The following IMMP2L variants were observed in gnomAD, a reference collection of about 807,000 sequenced individuals.
IMMP2L encodes the protein mitochondrial inner membrane protease subunit 2.
Under a neutral mutation model 19.3 loss-of-function variants are expected in IMMP2L, and 18 were observed. That is an observed-to-expected ratio of 0.93 (90% CI 0.64 to 1.38). The LOEUF (loss-of-function observed/expected upper bound fraction) is 1.38. Ranked by LOEUF, IMMP2L falls within the 40% of genes most tolerant of loss-of-function variation. IMMP2L has a pLI of 0.00. For synonymous variants in IMMP2L, 76 were observed against 73.0 expected (o/e 1.04, Z -0.21); for missense variants, 233 against 218.2 (o/e 1.07, Z -0.43).
chr7:111,374,720 A>T (rs1830533443), intron 3 of IMMP2L, among the ~76,000 whole-genome samples: 1 of 152,114 alleles, frequency 6.6e-6, no homozygotes, highest in African/African-American at 2.4e-5. Context: ...CTGACCACAT[A>T]AGTCTGACCC....
intron 3 of IMMP2L, among the ~76,000 whole-genome samples, chr7:111,216,815 C>T (rs1811973965): frequency 1.3e-5 from 2 of 151,870 alleles, no homozygotes; most frequent in South Asian, 4.2e-4. Flanking sequence ...GGCAATAAGC[C>T]CTTCAACTTC....
intron 3 of IMMP2L, among the ~76,000 whole-genome samples, chr7:111,040,591 T>A (rs1404876211): frequency 6.6e-6 from 1 of 150,882 alleles, no homozygotes; most frequent in South Asian, 2.1e-4. Flanking sequence ...ATATTAGATA[T>A]AAATATCAGG....
chr7:111,157,381 G>A (rs1021833303), intron 3 of IMMP2L, among the ~76,000 whole-genome samples: 2 of 152,028 alleles, frequency 1.3e-5, no homozygotes, highest in Non-Finnish European at 2.9e-5. Context: ...ACACAGTGGA[G>A]TACTCTTCAG....
chr7:110,775,448 AG>A (rs1470483380), intron 5 of IMMP2L, among the ~76,000 whole-genome samples: 2 of 152,106 alleles, frequency 1.3e-5, no homozygotes, highest in African/African-American at 4.8e-5. Context: ...CCTAAAGAAG[AG>A]GGCATTTGTA....
At chr7:110,882,331 T>TCCTTCCTTTCCTTCCTTC in intron 5 of IMMP2L, among the ~76,000 whole-genome samples, 1 of 144,054 alleles carries the variant, frequency 6.9e-6, no homozygotes, top group East Asian at 2.2e-4. Flanking sequence ...CTTCCTTCCT[T>TCCTTCCTTTCCTTCCTTC]CCTTCCTTCC....
intron 3 of IMMP2L, among the ~76,000 whole-genome samples, chr7:111,384,094 T>C (rs1269868096): frequency 6.6e-6 from 1 of 151,832 alleles, no homozygotes; most frequent in Non-Finnish European, 1.5e-5. Flanking sequence ...TAATGAGCCA[T>C]AACTATACCA....
At chr7:111,192,686 G>T (rs1054657105) in intron 3 of IMMP2L, among the ~76,000 whole-genome samples, 1 of 152,062 alleles carries the variant, frequency 6.6e-6, no homozygotes, top group African/African-American at 2.4e-5. Flanking sequence ...ACCCAAACAA[G>T]AGCTCTGGAT....
At chr7:110,977,160 T>G (rs1325820363) in intron 3 of IMMP2L, among the ~76,000 whole-genome samples, 2 of 151,970 alleles carry the variant, frequency 1.3e-5, no homozygotes, top group African/African-American at 2.4e-5. Context: ...TCAGCAAATA[T>G]ATGCTGAATG....
chr7:111,267,541 T>C (rs1487244662), intron 3 of IMMP2L, among the ~76,000 whole-genome samples: 2 of 152,098 alleles, frequency 1.3e-5, no homozygotes, highest in Non-Finnish European at 2.9e-5. Flanking sequence ...AAGGAAACAG[T>C]GACTCCATGC....
intron 3 of IMMP2L, among the ~76,000 whole-genome samples, chr7:111,281,055 G>C (rs1819647688): frequency 6.6e-6 from 1 of 150,600 alleles, no homozygotes; most frequent in Non-Finnish European, 1.5e-5. Context: ...GGGCAACAGA[G>C]CGAGACTCTG....
In IMMP2L at chr7:111,401,404, G is replaced by A. The variant is rs1172161107; in HGVS notation, c.239+85834C>T. ...TGTGCTTAACTAACAATAACACAAG[G>A]CAGAATATGGTTCTTTAAAGAAAAA... On this transcript the variant is annotated intron_variant, in intron 3 of 5. Coordinates refer to ENST00000405709, the MANE Select transcript of IMMP2L (RefSeq NM_032549.4). Among the ~76,000 whole-genome samples the A allele has an allele frequency of 2.0e-5, 3 of 152,106 alleles. No homozygotes were observed. The East Asian group carries it at 5.8e-4, about 29-fold the overall frequency.
At chr7:111,336,976 A>G (rs1227870973) in intron 3 of IMMP2L, among the ~76,000 whole-genome samples, 1 of 152,030 alleles carries the variant, frequency 6.6e-6, no homozygotes, top group Non-Finnish European at 1.5e-5. Flanking sequence ...AGCATCATAT[A>G]TATTTAATGT....
At chr7:110,907,632 A>C (rs991453627) in intron 4 of IMMP2L, among the ~76,000 whole-genome samples, 5 of 152,196 alleles carry the variant, frequency 3.3e-5, no homozygotes, top group African/African-American at 7.2e-5. Context: ...TCTTCTGCCC[A>C]GAATTTACCT....
intron 5 of IMMP2L, among the ~76,000 whole-genome samples, chr7:110,857,924 G>C (rs909747303): frequency 6.6e-6 from 1 of 151,974 alleles, no homozygotes; most frequent in Non-Finnish European, 1.5e-5. Context: ...CCATCGCCTT[G>C]TAAGAGATGA....
intron 5 of IMMP2L, among the ~76,000 whole-genome samples, chr7:110,814,028 A>G (rs781537038): frequency 1.3e-5 from 2 of 152,002 alleles, no homozygotes; most frequent in Non-Finnish European, 2.9e-5. Flanking sequence ...ATATTAACTA[A>G]AGACATCAAT....
chr7:110,790,155 C>G lies in IMMP2L; in HGVS notation c.408+96438G>C, dbSNP rs145197520. On this transcript the variant is annotated intron_variant, in intron 5 of 5. Coordinates refer to ENST00000405709, the MANE Select transcript of IMMP2L (RefSeq NM_032549.4). ...CATAAATATTCCTTATTGTTAAAGG[C>G]CATACAAGCAGAGGGGAGAACAAGT... 1.3e-4 allele frequency among the ~76,000 whole-genome samples: 19 copies of G among 151,608 alleles called. No individual in the cohort carries two copies. The East Asian group carries it at 3.7e-3, about 30-fold the overall frequency.
intron 5 of IMMP2L, among the ~76,000 whole-genome samples, chr7:110,780,342 C>A (rs1799651421): frequency 6.6e-6 from 1 of 151,062 alleles, no homozygotes; most frequent in African/African-American, 2.4e-5. Flanking sequence ...CAAACTGTTA[C>A]GGTTTACACT....
chr7:110,965,241 T>C (rs1819409560), intron 3 of IMMP2L, among the ~76,000 whole-genome samples: 1 of 152,056 alleles, frequency 6.6e-6, no homozygotes, highest in Admixed American at 6.6e-5. Flanking sequence ...CATGCATAGA[T>C]AAAAATATTT....
intron 5 of IMMP2L, among the ~76,000 whole-genome samples, chr7:110,859,344 T>C (rs552512811): frequency 6.6e-6 from 1 of 152,046 alleles, no homozygotes; most frequent in East Asian, 1.9e-4. Flanking sequence ...AAAACCTAAA[T>C]GAAAAAATGT....
Sources: allele counts gnomAD v4.1 joint callset (sites outside exome capture counted in the v4.1 genomes callset), GRCh38; gene constraint gnomAD v4.1.1; transcripts MANE v1.5; gene names NCBI Gene and HGNC (gene_info 2026-07-23, HGNC 2026-07-21).